The following ZNF25 variants were observed in gnomAD, a reference collection of about 807,000 sequenced individuals.
ZNF25 encodes zinc finger protein 25 (KOX 19).
Under a neutral mutation model 30.9 loss-of-function variants are expected in ZNF25, and 21 were observed. The ratio of observed to expected loss-of-function variants is 0.68; its 90% CI spans 0.48 to 0.98. The LOEUF (loss-of-function observed/expected upper bound fraction) is 0.98. Ranked by LOEUF, ZNF25 falls within the 50% of genes least tolerant of loss-of-function variation. ZNF25 has a pLI of 0.00. For missense variants in ZNF25, 501 were observed against 529.9 expected, an observed-to-expected ratio of 0.95 and a Z score of 0.54; for synonymous variants, 169 against 181.3, an observed-to-expected ratio of 0.93 and a Z score of 0.55.
rs796457924 is a variant in ZNF25, at chr10:37,967,425, T to C, written c.15+4283A>G. On this transcript the variant is annotated intron_variant, in intron 2 of 5. Coordinates refer to ENST00000302609, the MANE Select transcript of ZNF25 (RefSeq NM_145011.4). The stretch of plus-strand genomic sequence containing the variant: ...CTACGACCACATGATTTTCTTCTTT[T>C]TTTTTTTTTTCTGAGACAGGGTCTC... 3.9e-4 allele frequency among the ~76,000 whole-genome samples: 59 copies of C among 152,026 alleles called. 2 individuals are homozygous for C. The highest frequency in any genetic ancestry group is 1.2e-3 in the African/African-American group (51 of 41,508).
At chr10:37,957,340 T>C in intron 3 of ZNF25, 80 bp downstream of exon 3, 1 of 1,523,256 alleles carries the variant, frequency 6.6e-7, no homozygotes, top group Non-Finnish European at 8.9e-7. Flanking sequence ...CATTCAACCC[T>C]ATAGGGACAT....
intron 2 of ZNF25, among the ~76,000 whole-genome samples, chr10:37,959,023 TG>T (rs1190748106): frequency 1.3e-5 from 2 of 152,202 alleles, no homozygotes; most frequent in African/African-American, 4.8e-5. Context: ...AACTCCAGCT[TG>T]GGTGACAGAG....
intron 1 of ZNF25, among the ~76,000 whole-genome samples, chr10:37,974,427 A>G (rs1239099725): frequency 6.6e-6 from 1 of 152,232 alleles, no homozygotes; most frequent in African/African-American, 2.4e-5. Flanking sequence ...CAGAAAACAA[A>G]AAATTTGATT....
rs967837083 is a variant in ZNF25, at chr10:37,952,039, T to C, written c.*88A>G. ...GATTGTAGCTGAAAATTTCCCTCTA[T>C]TGATGCGATTCATAAGGTGTACCTC... is the stretch of plus-strand genomic sequence containing the variant. On this transcript the variant is annotated 3_prime_UTR_variant, in exon 6 of 6. Coordinates refer to ENST00000302609, the MANE Select transcript of ZNF25 (RefSeq NM_145011.4). 4.7e-6 allele frequency: 6 copies of C among 1,279,144 alleles called. No homozygotes were observed. The highest frequency in any genetic ancestry group is 2.4e-4 in the Middle Eastern group (1 of 4,248). The allele number at this position is 1,279,144 out of a possible 1,614,324, so 79.2% of individuals were successfully genotyped here.
intron 4 of ZNF25, among the ~76,000 whole-genome samples, chr10:37,956,783 T>A (rs551287824): frequency 6.6e-6 from 1 of 152,060 alleles, no homozygotes; most frequent in South Asian, 2.1e-4. Context: ...AGGCTGGTGG[T>A]ACATGCCTGT....
rs551051504 is a variant in ZNF25, at chr10:37,959,434, G to C, written c.16-1888C>G. Among the ~76,000 whole-genome samples the C allele has an allele frequency of 1.2e-4, 19 of 152,232 alleles. No individual in the cohort carries two copies. The East Asian group carries it at 2.1e-3, about 17-fold the overall frequency. Reference sequence around the variant, plus strand: ...AGCTCCCATAGTGTCTGTATGTCTCGCTCGTGGGTACAGTTATAGTGCCAA... The same window carrying C: ...AGCTCCCATAGTGTCTGTATGTCTCCCTCGTGGGTACAGTTATAGTGCCAA... On this transcript the variant is annotated intron_variant, in intron 2 of 5. Coordinates refer to ENST00000302609, the MANE Select transcript of ZNF25 (RefSeq NM_145011.4).
chr10:37,953,803 T>G, intron 4 of ZNF25, 45 bp from the exon 5 acceptor site: 1 of 1,507,980 alleles, frequency 6.6e-7, no homozygotes, highest in Non-Finnish European at 9.2e-7. Flanking sequence ...TACTACACAT[T>G]AATATTGTCA....
At position 37,952,337 on chromosome 10, in the gene ZNF25, T is replaced by C; in HGVS notation, c.1161A>G (p.Leu387=). 6.2e-7 allele frequency: 1 copy of C among 1,613,876 alleles called. No individual in the cohort carries two copies. The highest frequency in any genetic ancestry group is 8.5e-7 in the Non-Finnish European group (1 of 1,179,850). Residue 387 remains leucine (L), a synonymous_variant, in exon 6 of 6, where the codon TTA becomes TTG. Coordinates refer to ENST00000302609, the MANE Select transcript of ZNF25 (RefSeq NM_145011.4). ...TCTCTCCTGTGTGAGTCCTTTGATG[T>C]AATCTGAGGACTGAATTCACAGCAA... is the stretch of plus-strand genomic sequence containing the variant. ...KSFAVNSVLR[L]HQRTHTGEKP...
chr10:37,951,041 A>G lies in ZNF25; in HGVS notation c.*1086T>C. ...CAGCTCAGGCTTTTGCTATATATAA[A>G]TGTGTCCCTAATGCAAAACTTGACT... On this transcript the variant is annotated 3_prime_UTR_variant, in exon 6 of 6. Transcript: ENST00000302609. The G allele has an allele frequency of 6.6e-6, 1 of 152,334 alleles. No individual in the cohort carries two copies. The highest frequency in any genetic ancestry group is 1.9e-4 in the East Asian group (1 of 5,186). 9.4% of individuals were successfully genotyped at this position (152,334 alleles called of 1,614,324 possible).
At position 37,952,380 on chromosome 10, in the gene ZNF25, G is replaced by C; in HGVS notation, c.1118C>G (p.Thr373Arg). 1 of 1,611,100 alleles carries C rather than the reference G, an allele frequency of 6.2e-7. No homozygotes were observed. Among genetic ancestry groups the C allele is most frequent in the East Asian group, 2.2e-5 (1 of 44,750 alleles). The change falls in exon 6 of 6, where the codon ACA (threonine) becomes AGA (arginine). Residue 373 changes from threonine to arginine, a missense_variant. By Grantham distance (71) the Thr-to-Arg change is moderately conservative (BLOSUM62 -1). Transcript: ENST00000302609. ...CACAGCAAAAGATTTGCCACATTCTGTGCATTCATAGGGCTTCTCCCCTGT... is the reference window on the plus strand; with the variant it reads ...CACAGCAAAAGATTTGCCACATTCTCTGCATTCATAGGGCTTCTCCCCTGT... Reference protein sequence around the residue: ...KHTGEKPYECTECGKSFAVNS... With the variant: ...KHTGEKPYECRECGKSFAVNS...
chr10:37,953,339 C>G (rs2062298746), intron 5 of ZNF25, 144 bp from the exon 6 acceptor site: 2 of 745,424 alleles, frequency 2.7e-6, no homozygotes, highest in Non-Finnish European at 4.2e-6. Context: ...TAGGGTTTCT[C>G]CACTGTGAGC....
At chr10:37,962,806 A>G (rs2062962583) in intron 2 of ZNF25, among the ~76,000 whole-genome samples, 1 of 152,226 alleles carries the variant, frequency 6.6e-6, no homozygotes, top group Admixed American at 6.5e-5. Flanking sequence ...TTTACAACTT[A>G]GATGAAATGG....
intron 1 of ZNF25, among the ~76,000 whole-genome samples, chr10:37,973,596 CAAAA>C (rs143239470): frequency 2.3e-5 from 3 of 130,040 alleles, no homozygotes; most frequent in African/African-American, 2.9e-5. Context: ...GCCCTTGTCT[CAAAA>C]AAAAAAAAAA....
chr10:37,973,964 T>C lies in ZNF25; in HGVS notation c.-85-2157A>G, dbSNP rs117283600. ...ATCAATGAAAAAGAGAATTGAGAAA[T>C]AAATACATGCATTTATAGCCAATTT... is the stretch of plus-strand genomic sequence containing the variant. On this transcript the variant is annotated intron_variant, in intron 1 of 5. Transcript: ENST00000302609. Among the ~76,000 whole-genome samples the C allele has an allele frequency of 9.1e-3, 1,382 of 152,214 alleles. 9 individuals are homozygous for C. Among genetic ancestry groups the C allele is most frequent in the Non-Finnish European group, 0.014 (983 of 68,002 alleles).
intron 2 of ZNF25, among the ~76,000 whole-genome samples, chr10:37,963,795 C>T (rs367569214): frequency 2.2e-4 from 33 of 152,072 alleles, no homozygotes; most frequent in African/African-American, 7.5e-4. Context: ...GCCAACATGG[C>T]GAAACCCTGT....
intron 4 of ZNF25, among the ~76,000 whole-genome samples, chr10:37,954,173 C>T (rs1272670239): frequency 6.6e-6 from 1 of 152,194 alleles, no homozygotes; most frequent in African/African-American, 2.4e-5. Flanking sequence ...CCCTGGAATA[C>T]ATGGAAAAGA....
At position 37,952,937 on chromosome 10, in the gene ZNF25, T is replaced by C. The variant is rs2062257014; in HGVS notation, c.561A>G (p.Ser187=). ...KECKKIFYHL[S]SLSRHLRTHA... ...GGGTTCTCAGATGTCTACTGAGAGA[T>C]GATAGGTGGTAAAATATTTTCTTAC... The change falls in exon 6 of 6, where the codon TCA becomes TCG. Residue 187 remains serine (S), a synonymous_variant. Transcript: ENST00000302609. 1 of 1,614,090 alleles carries C rather than the reference T, an allele frequency of 6.2e-7. No homozygotes were observed. Among genetic ancestry groups the C allele is most frequent in the South Asian group, 1.1e-5 (1 of 91,092 alleles).
intron 2 of ZNF25, 54 bp downstream of exon 2, chr10:37,971,630 AACACACACACACACACACACACAC>A (rs4007126): frequency 2.3e-5 from 32 of 1,389,808 alleles, no homozygotes; most frequent in Admixed American, 1.8e-4. Context: ...AAACTCATTA[AACACACACACACACACACACACAC>A]ACACACACAC....
At chr10:37,953,615 A>T in intron 5 of ZNF25, 80 bp downstream of exon 5, 2 of 1,306,952 alleles carry the variant, frequency 1.5e-6, no homozygotes, top group Non-Finnish European at 2.2e-6. Context: ...AGTATTAACT[A>T]GTGCCCTCCC....
Sources: allele counts gnomAD v4.1 joint callset (sites outside exome capture counted in the v4.1 genomes callset), GRCh38; gene constraint gnomAD v4.1.1; transcripts MANE v1.5; gene names NCBI Gene and HGNC (gene_info 2026-07-23, HGNC 2026-07-21).